Variants in NAA15 observed in about 807,000 individuals in gnomAD.
NAA15 encodes the protein N-terminal acetyltransferase.
In NAA15, 34 loss-of-function variants were observed where a neutral mutation model predicts 114.0. The observed-to-expected ratio is 0.30, with a 90% confidence interval of 0.23 to 0.40. The LOEUF is 0.40. Ranked by LOEUF, NAA15 falls within the 10% of genes least tolerant of loss-of-function variation. The probability of loss-of-function intolerance (pLI) is 1.00; values close to 1 mark genes in which losing one functional copy is unlikely to be tolerated. For synonymous variants in NAA15, 340 were observed against 338.0 expected, an observed-to-expected ratio of 1.01 and a Z score of -0.06; for missense variants, 658 against 1,004.5, an observed-to-expected ratio of 0.66 and a Z score of 4.66.
At chr4:139,358,108 G>C (rs530768085) in intron 11 of NAA15, among the ~76,000 whole-genome samples, 4 of 151,924 alleles carry the variant, frequency 2.6e-5, no homozygotes, top group Admixed American at 2.0e-4. Flanking sequence ...TTGAGGGACT[G>C]ATAATAAACC....
chr4:139,317,982 T>A (rs1746470028), intron 1 of NAA15, among the ~76,000 whole-genome samples: 1 of 152,228 alleles, frequency 6.6e-6, no homozygotes, highest in South Asian at 2.1e-4. Flanking sequence ...GTAAATGAAA[T>A]ATAAAATCTG....
chr4:139,324,742 C>T (rs1746734622), intron 1 of NAA15, among the ~76,000 whole-genome samples: 1 of 152,160 alleles, frequency 6.6e-6, no homozygotes, highest in African/African-American at 2.4e-5. Context: ...ACCAGCCTGG[C>T]CAACATCCAA....
chr4:139,370,179 G>A lies in NAA15; in HGVS notation c.1754-32G>A. On this transcript the variant is annotated intron_variant, in intron 14 of 19. Coordinates refer to ENST00000296543, the MANE Select transcript of NAA15 (RefSeq NM_057175.5). ...AATTACTAATCTGATTAACATGCTT[G>A]TTAATTTTATTAATTAACTTATTGC... 2.8e-6 allele frequency: 4 copies of A among 1,435,590 alleles called. No individual in the cohort carries two copies. The East Asian group carries it at 7.3e-5, about 26-fold the overall frequency. The allele number at this position is 1,435,590 out of a possible 1,614,324, so 88.9% of individuals were successfully genotyped here.
chr4:139,370,598 G>T (rs1748408495), intron 15 of NAA15, among the ~76,000 whole-genome samples, 194 bp downstream of exon 15: 1 of 152,014 alleles, frequency 6.6e-6, no homozygotes, highest in South Asian at 2.1e-4. Flanking sequence ...TTGAAATAAT[G>T]ATCCTGTTCC....
rs1560953071 is a variant in NAA15, at chr4:139,315,060, GTTTAGT to G, written c.54+13232_54+13237del. ...GGTTAGGTTAGGTTAGGTTAGTTTA[GTTTAGT>G]TTAGTTTAGTTTTTGAGACGGAGTC... On this transcript the variant is annotated intron_variant, in intron 1 of 19. Coordinates refer to ENST00000296543, the MANE Select transcript of NAA15 (RefSeq NM_057175.5). Among the ~76,000 whole-genome samples, 950 of 130,830 alleles carry G rather than the reference GTTTAGT, an allele frequency of 7.3e-3. 58 individuals are homozygous for G. Among genetic ancestry groups the G allele is most frequent in the Middle Eastern group, 0.019 (5 of 264 alleles). 85.8% of individuals were successfully genotyped at this position (130,830 alleles called of 152,430 possible).
chr4:139,324,253 T>C (rs1431783669), intron 1 of NAA15, among the ~76,000 whole-genome samples: 1 of 152,258 alleles, frequency 6.6e-6, no homozygotes, highest in Non-Finnish European at 1.5e-5. Flanking sequence ...TAAATGTTAA[T>C]TCCTGTTGAA....
intron 1 of NAA15, among the ~76,000 whole-genome samples, chr4:139,314,919 G>A (rs1319151884): frequency 6.6e-6 from 1 of 151,570 alleles, no homozygotes; most frequent in Non-Finnish European, 1.5e-5. Context: ...ATTGTGATCC[G>A]CCTGCCTCGG....
intron 1 of NAA15, among the ~76,000 whole-genome samples, chr4:139,331,106 A>G (rs767401603): frequency 1.3e-5 from 2 of 152,164 alleles, no homozygotes; most frequent in South Asian, 2.1e-4. Flanking sequence ...AACAAATACA[A>G]TGCTTTAAAA....
chr4:139,390,083 T>G lies in NAA15; in HGVS notation c.*1999T>G, dbSNP rs972278084. 3 of 152,676 alleles carry G rather than the reference T, an allele frequency of 2.0e-5. No homozygotes were observed. The highest frequency in any genetic ancestry group is 7.2e-5 in the African/African-American group (3 of 41,468). The allele number at this position is 152,676 out of a possible 1,614,324, so 9.5% of individuals were successfully genotyped here. A position where few individuals can be genotyped will look rare whatever the true frequency, so the allele number is the denominator to read the frequency against. ...CCAGCCATATAATAGGGGGTGTATG[T>G]GTGAATTTTGTTTAAACTCTACTGT... On this transcript the variant is annotated 3_prime_UTR_variant, in exon 20 of 20. Coordinates refer to ENST00000296543, the MANE Select transcript of NAA15 (RefSeq NM_057175.5).
rs2111018935 is a variant in NAA15, at chr4:139,390,572, T to G, written c.*2488T>G. On this transcript the variant is annotated 3_prime_UTR_variant, in exon 20 of 20. Transcript: ENST00000296543. ...TAAGAACTGGTGTTACCAACCCTTT[T>G]GAGAAGAAAGGGTCTCTTGACCTGT... 1.3e-5 allele frequency: 2 copies of G among 152,794 alleles called. No individual in the cohort carries two copies. Among genetic ancestry groups the G allele is most frequent in the Non-Finnish European group, 2.9e-5 (2 of 68,024 alleles). 9.5% of individuals were successfully genotyped at this position (152,794 alleles called of 1,614,324 possible).
intron 10 of NAA15, among the ~76,000 whole-genome samples, chr4:139,354,883 T>C (rs1357806806): frequency 1.3e-5 from 2 of 152,150 alleles, no homozygotes; most frequent in Non-Finnish European, 2.9e-5. Context: ...AAAATTAATA[T>C]ATATATTTTT....
intron 1 of NAA15, among the ~76,000 whole-genome samples, chr4:139,311,629 T>A (rs1002340983): frequency 6.6e-6 from 1 of 151,930 alleles, no homozygotes; most frequent in African/African-American, 2.4e-5. Flanking sequence ...AGAAATGGTA[T>A]CAGGATTAAA....
intron 6 of NAA15, among the ~76,000 whole-genome samples, chr4:139,345,099 C>A (rs748269001): frequency 1.3e-5 from 2 of 152,152 alleles, no homozygotes; most frequent in African/African-American, 4.8e-5. Context: ...CTTGGCTCAC[C>A]TTGAGGTTGA....
chr4:139,353,230 G>C (rs1747838291), intron 9 of NAA15, among the ~76,000 whole-genome samples: 1 of 152,126 alleles, frequency 6.6e-6, no homozygotes, highest in Admixed American at 6.6e-5. Context: ...CTGATTCAAA[G>C]ATGTTTGAGA....
chr4:139,315,520 G>C (rs1746382323), intron 1 of NAA15, among the ~76,000 whole-genome samples: 1 of 151,252 alleles, frequency 6.6e-6, no homozygotes, highest in Non-Finnish European at 1.5e-5. Context: ...CGCGTCTCAA[G>C]AACAACAATA....
chr4:139,384,120 C>T (rs143232935), intron 17 of NAA15, among the ~76,000 whole-genome samples: 58 of 152,268 alleles, frequency 3.8e-4, no homozygotes, highest in African/African-American at 1.3e-3. Context: ...AAATGAATCT[C>T]GTGTTAATAA....
rs1198018246 is a variant in NAA15, at chr4:139,324,711, CA to C, written c.55-9462del. Among the ~76,000 whole-genome samples, 3 of 152,174 alleles carry C rather than the reference CA, an allele frequency of 2.0e-5. No homozygotes were observed. The East Asian group carries it at 5.8e-4, about 29-fold the overall frequency. On this transcript the variant is annotated intron_variant, in intron 1 of 19. Coordinates refer to ENST00000296543, the MANE Select transcript of NAA15 (RefSeq NM_057175.5). ...CTTCAGGAGGCCGAGGCAGGGGGAT[CA>C]CCAGAGGTTGGAGTTCAAGACCAGC...
intron 5 of NAA15, among the ~76,000 whole-genome samples, chr4:139,343,451 C>T (rs1046318783): frequency 6.6e-6 from 1 of 152,202 alleles, no homozygotes; most frequent in Non-Finnish European, 1.5e-5. Context: ...TCATACCTTA[C>T]ATTTAGTTAT....
rs758675100 is a variant in NAA15 at position 139,361,816 on chromosome 4, A to G, written c.1632A>G (p.Leu544=). The change falls in exon 14 of 20, where the codon CTA becomes CTG. Residue 544 remains leucine (L), a synonymous_variant. Transcript: ENST00000296543. ...TLRSYVDLLK[L]EDVLRQHPFY... is the part of the protein sequence containing the mutation. ...GATCATATGTGGACTTATTAAAACT[A>G]GAAGATGTACTTCGACAGCATCCAT... 1.9e-6 allele frequency: 3 copies of G among 1,613,288 alleles called. No homozygotes were observed. Among genetic ancestry groups the G allele is most frequent in the East Asian group, 2.2e-5 (1 of 44,794 alleles).
Sources: gnomAD v4.1 joint callset for allele counts (sites outside exome capture counted in the v4.1 genomes callset) on GRCh38, gnomAD v4.1.1 for gene constraint, MANE v1.5 for transcripts, NCBI Gene and HGNC (gene_info 2026-07-23, HGNC 2026-07-21) for gene names.